Variants in RMST observed in about 807,000 individuals in gnomAD.
RMST encodes the protein long intergenic non-protein coding RNA 54.
At chr12:97,511,944 T>G (rs940000653) in intron 10 of RMST, among the ~76,000 whole-genome samples, 2 of 152,246 alleles carry the variant, frequency 1.3e-5, no homozygotes, top group African/African-American at 2.4e-5. Flanking sequence ...AATAGTTATG[T>G]GTCCGGAATT....
At chr12:97,486,264 G>A (rs1876089651) in intron 5 of RMST, among the ~76,000 whole-genome samples, 1 of 152,190 alleles carries the variant, frequency 6.6e-6, no homozygotes, top group Admixed American at 6.5e-5. Flanking sequence ...CTCTGAATGG[G>A]CTTGATAATC....
At chr12:97,495,390 T>TA (rs773872928) in intron 9 of RMST, among the ~76,000 whole-genome samples, 31 of 152,060 alleles carry the variant, frequency 2.0e-4, no homozygotes, top group East Asian at 1.9e-3. Context: ...AGAAAAAAAG[T>TA]AAAAAAGCAA....
intron 10 of RMST, among the ~76,000 whole-genome samples, chr12:97,503,858 C>G (rs1419506400): frequency 6.6e-6 from 1 of 152,130 alleles, no homozygotes; most frequent in East Asian, 1.9e-4. Flanking sequence ...TTAAGATGCT[C>G]ACAGTCACTG....
chr12:97,477,036 G>A (rs1487179052), intron 5 of RMST, among the ~76,000 whole-genome samples: 6 of 152,148 alleles, frequency 3.9e-5, no homozygotes, highest in Admixed American at 3.9e-4. Context: ...GGAAGATTAA[G>A]TGATTTAAAG....
At chr12:97,548,533 C>A (rs1297864971) in intron 11 of RMST, among the ~76,000 whole-genome samples, 2 of 151,908 alleles carry the variant, frequency 1.3e-5, no homozygotes, top group Non-Finnish European at 2.9e-5. Context: ...TAATTTCATT[C>A]ATCAATGTCT....
intron 5 of RMST, among the ~76,000 whole-genome samples, chr12:97,485,535 A>T (rs546024652): frequency 5.8e-4 from 88 of 152,298 alleles, no homozygotes; most frequent in African/African-American, 2.1e-3. Flanking sequence ...ATCTTGACTG[A>T]CTTGCTTGTT....
chr12:97,512,278 C>T (rs763414568), intron 10 of RMST, among the ~76,000 whole-genome samples: 12 of 152,314 alleles, frequency 7.9e-5, no homozygotes, highest in Non-Finnish European at 1.3e-4. Flanking sequence ...TGTGGTGTTA[C>T]AGCTCATAAA....
At chr12:97,563,193 T>C (rs1437603242) in intron 13 of RMST, 1 of 152,758 alleles carries the variant, frequency 6.5e-6, no homozygotes, top group Non-Finnish European at 1.5e-5. Context: ...CATAGTATTG[T>C]TTCTGGCATC....
chr12:97,474,294 T>C (rs1429579374), intron 5 of RMST, among the ~76,000 whole-genome samples: 1 of 152,156 alleles, frequency 6.6e-6, no homozygotes, highest in Non-Finnish European at 1.5e-5. Flanking sequence ...TCCACTTGTC[T>C]AAACAGATGA....
At chr12:97,482,725 T>TTAAATAAATTTATATTATTTATTTAA (rs1565919264) in intron 5 of RMST, among the ~76,000 whole-genome samples, 3 of 61,676 alleles carry the variant, frequency 4.9e-5, no homozygotes, top group African/African-American at 1.2e-4. Context: ...TATTTATTTA[T>TTAAATAAATTTATATTATTTATTTAA]TAAATAAATT....
chr12:97,563,560 C>G (rs775018741), intron 13 of RMST: 46 of 316,474 alleles, frequency 1.5e-4, no homozygotes, highest in Non-Finnish European at 2.7e-4. Flanking sequence ...AGGAATTCTT[C>G]CCAGTGTCCT....
At chr12:97,554,179 C>T (rs1883522060) in intron 11 of RMST, among the ~76,000 whole-genome samples, 1 of 152,020 alleles carries the variant, frequency 6.6e-6, no homozygotes, top group Non-Finnish European at 1.5e-5. Context: ...GTCTTGAACT[C>T]CCGACCTCAG....
chr12:97,514,664 A>G (rs1879755825), intron 10 of RMST, among the ~76,000 whole-genome samples: 1 of 146,884 alleles, frequency 6.8e-6, no homozygotes, highest in Non-Finnish European at 1.5e-5. Context: ...TGGAAAGTAT[A>G]TTGTTTTTTT....
At chr12:97,481,001 T>C (rs768693832) in intron 5 of RMST, among the ~76,000 whole-genome samples, 1 of 152,204 alleles carries the variant, frequency 6.6e-6, no homozygotes, top group Non-Finnish European at 1.5e-5. Flanking sequence ...ATACAGTTCA[T>C]TGATAGCTGT....
At chr12:97,551,547 A>G (rs190688007) in intron 11 of RMST, among the ~76,000 whole-genome samples, 33 of 152,274 alleles carry the variant, frequency 2.2e-4, no homozygotes, top group African/African-American at 7.9e-4. Flanking sequence ...TTCGCTGAAT[A>G]AGTGTATTCT....
chr12:97,504,557 T>A (rs1878461223), intron 10 of RMST, among the ~76,000 whole-genome samples: 1 of 152,182 alleles, frequency 6.6e-6, no homozygotes, highest in South Asian at 2.1e-4. Flanking sequence ...AAAGCATTAT[T>A]AGCTCAATGA....
At chr12:97,561,716 C>T (rs1592812745) in intron 13 of RMST, among the ~76,000 whole-genome samples, 2 of 137,154 alleles carry the variant, frequency 1.5e-5, no homozygotes, top group South Asian at 2.3e-4. Context: ...TCCATCCCAG[C>T]TCCGTGCCCA....
intron 10 of RMST, among the ~76,000 whole-genome samples, chr12:97,509,745 G>A (rs1035836511): frequency 6.6e-6 from 1 of 152,186 alleles, no homozygotes; most frequent in Non-Finnish European, 1.5e-5. Context: ...GATTGATGGA[G>A]GTGCCCCTCT....
chr12:97,540,869 C>T (rs1379662029), intron 11 of RMST, among the ~76,000 whole-genome samples: 3 of 151,356 alleles, frequency 2.0e-5, no homozygotes, highest in Non-Finnish European at 3.0e-5. Context: ...TTTACTTAAA[C>T]TTCTAAGCAG....
Sources: allele counts gnomAD v4.1 joint callset (sites outside exome capture counted in the v4.1 genomes callset), GRCh38; gene constraint gnomAD v4.1.1; transcripts MANE v1.5; gene names NCBI Gene and HGNC (gene_info 2026-07-23, HGNC 2026-07-21).